Variants in SHROOM3 observed in about 807,000 individuals in gnomAD.
SHROOM3 encodes shroom family member 3.
Under a neutral mutation model 138.6 loss-of-function variants are expected in SHROOM3, and 47 were observed. That is an observed-to-expected ratio of 0.34 (90% CI 0.27 to 0.43). SHROOM3 has a LOEUF of 0.43. Among genes scored for constraint, SHROOM3 ranks in the 20% least tolerant of loss-of-function variants. SHROOM3 has a pLI of 1.00. For synonymous variants in SHROOM3, 1,062 were observed against 1,063.3 expected, an observed-to-expected ratio of 1.00 and a Z score of 0.02; for missense variants, 2,491 against 2,596.5, an observed-to-expected ratio of 0.96 and a Z score of 0.88.
At chr4:76,707,930 C>T (rs906276100) in intron 2 of SHROOM3, among the ~76,000 whole-genome samples, 1 of 152,084 alleles carries the variant, frequency 6.6e-6, no homozygotes, top group African/African-American at 2.4e-5. Context: ...TGTGGTGCAT[C>T]CAGACAGCTC....
chr4:76,631,239 C>T (rs1258572900), intron 2 of SHROOM3, among the ~76,000 whole-genome samples: 1 of 119,222 alleles, frequency 8.4e-6, no homozygotes, highest in African/African-American at 3.3e-5. Flanking sequence ...TGGAGTCTTG[C>T]TCTGTTGCAC....
chr4:76,551,741 G>A (rs749000616), intron 1 of SHROOM3, among the ~76,000 whole-genome samples: 6 of 152,078 alleles, frequency 3.9e-5, no homozygotes, highest in Non-Finnish European at 8.8e-5. Context: ...CTGAAATTCA[G>A]GGTGTGTAAC....
At chr4:76,711,577 C>T (rs1720230021) in intron 3 of SHROOM3, among the ~76,000 whole-genome samples, 1 of 152,082 alleles carries the variant, frequency 6.6e-6, no homozygotes, top group African/African-American at 2.4e-5. Context: ...CCTGTGGTCC[C>T]AAGTACTCTG....
chr4:76,487,235 T>C (rs1208153261), intron 1 of SHROOM3, among the ~76,000 whole-genome samples: 1 of 152,270 alleles, frequency 6.6e-6, no homozygotes, highest in Non-Finnish European at 1.5e-5. Context: ...CGTAGTGTTT[T>C]CAAGGTTTAT....
intron 1 of SHROOM3, among the ~76,000 whole-genome samples, chr4:76,495,500 G>A (rs1731946954): frequency 6.6e-6 from 1 of 152,208 alleles, no homozygotes; most frequent in East Asian, 1.9e-4. Context: ...GACTTCAGCT[G>A]GAACCACATT....
At chr4:76,708,712 A>C (rs1720137829) in intron 2 of SHROOM3, among the ~76,000 whole-genome samples, 1 of 152,198 alleles carries the variant, frequency 6.6e-6, no homozygotes, top group African/African-American at 2.4e-5. Context: ...GAGAAGACAA[A>C]GTCACAGAGC....
At chr4:76,563,802 C>T (rs1211351042) in intron 2 of SHROOM3, among the ~76,000 whole-genome samples, 1 of 152,160 alleles carries the variant, frequency 6.6e-6, no homozygotes, top group East Asian at 1.9e-4. Flanking sequence ...GCTTCCTCTA[C>T]CTCTCCTGGA....
intron 1 of SHROOM3, among the ~76,000 whole-genome samples, chr4:76,472,973 G>A (rs992912966): frequency 1.3e-5 from 2 of 152,196 alleles, no homozygotes; most frequent in Admixed American, 1.3e-4. Flanking sequence ...GATTACAGGT[G>A]TGAGCCACCA....
Position 76,749,983 on chromosome 4 carries a change from T to C in SHROOM3, c.3827+893T>C, listed in dbSNP as rs556757235. ...TTTAAGCCATTTCCTTAATTTTTCT[T>C]ACATTTCATTCAATCATTGTTTCTA... On this transcript the variant is annotated intron_variant, in intron 6 of 10. Coordinates refer to ENST00000296043, the MANE Select transcript of SHROOM3 (RefSeq NM_020859.4). Among the ~76,000 whole-genome samples, 3 of 152,324 alleles carry C rather than the reference T, an allele frequency of 2.0e-5. No homozygotes were observed. The East Asian group carries it at 5.8e-4, about 29-fold the overall frequency.
chr4:76,636,535 A>G (rs1735499498), intron 2 of SHROOM3, among the ~76,000 whole-genome samples: 1 of 152,196 alleles, frequency 6.6e-6, no homozygotes, highest in Non-Finnish European at 1.5e-5. Context: ...CTCAAATAAC[A>G]TTGTTTTGTT....
In SHROOM3 at chr4:76,754,890, T is replaced by G. The variant is rs1721752426; in HGVS notation, c.4407T>G (p.Thr1469=). 1 of 1,614,196 alleles carries G rather than the reference T, an allele frequency of 6.2e-7. No individual in the cohort carries two copies. The highest frequency in any genetic ancestry group is 8.5e-7 in the Non-Finnish European group (1 of 1,180,026). ...AGAGTCTTCCAAGTTTATGCAGCAC[T>G]TCTGACCCAGACACACCTCTTGGGG... ...KQQSLPSLCS[T]SDPDTPLGAP... Residue 1469 remains threonine, a synonymous_variant, in exon 7 of 11, where the codon ACT becomes ACG. Transcript: ENST00000296043.
intron 2 of SHROOM3, among the ~76,000 whole-genome samples, chr4:76,591,021 T>G (rs6532494): frequency 1 from 152,321 of 152,346 alleles, 76,148 homozygotes; most frequent in Middle Eastern, 1. Context: ...CTCAGAAAAA[T>G]AGGTAGGGAA....
At chr4:76,612,946 GA>G (rs1734794760) in intron 2 of SHROOM3, among the ~76,000 whole-genome samples, 1 of 152,046 alleles carries the variant, frequency 6.6e-6, no homozygotes, top group South Asian at 2.1e-4. Flanking sequence ...TGTCTCTAAA[GA>G]AAAAATAAAA....
Position 76,756,405 on chromosome 4 carries a change from T to TCTC in SHROOM3, c.4710-44_4710-43insCTC, listed in dbSNP as rs1553950015. 69,042 of 1,411,196 alleles carry TCTC rather than the reference T, an allele frequency of 0.049. 1,605 individuals are homozygous for TCTC. Among genetic ancestry groups the TCTC allele is most frequent in the African/African-American group, 0.12 (7,835 of 67,144 alleles). 87.4% of individuals were successfully genotyped at this position (1,411,196 alleles called of 1,614,324 possible). A position where few individuals can be genotyped will look rare whatever the true frequency, so the allele number is the denominator to read the frequency against. ...TCACCCTTCTCTTATCACTCTCTCT[T>TCTC]TCTCTCTCTCTCTTTTTTTTTTTTT... On this transcript the variant is annotated intron_variant, in intron 7 of 10. Transcript: ENST00000296043.
At chr4:76,661,434 G>A (rs1173156444) in intron 2 of SHROOM3, among the ~76,000 whole-genome samples, 7 of 152,002 alleles carry the variant, frequency 4.6e-5, no homozygotes, top group Non-Finnish European at 7.4e-5. Context: ...GTTTCACCAC[G>A]TTAGCCAGGA....
intron 1 of SHROOM3, among the ~76,000 whole-genome samples, chr4:76,470,305 G>C (rs989556187): frequency 6.6e-6 from 1 of 152,144 alleles, no homozygotes; most frequent in Non-Finnish European, 1.5e-5. Flanking sequence ...TTTGATACTT[G>C]AAAACCAGTT....
chr4:76,552,084 A>C (rs773741628), intron 1 of SHROOM3, among the ~76,000 whole-genome samples: 5 of 149,904 alleles, frequency 3.3e-5, no homozygotes, highest in South Asian at 2.1e-4. Flanking sequence ...GATGGACTCG[A>C]TCTCCTGACC....
intron 2 of SHROOM3, among the ~76,000 whole-genome samples, chr4:76,693,963 T>C (rs10031262): frequency 0.018 from 1,774 of 97,984 alleles, 19 homozygotes; most frequent in Non-Finnish European, 0.025. Context: ...TTCCCAAAGA[T>C]GTAGGTAGAA....
At chr4:76,468,172 C>G (rs1186204089) in intron 1 of SHROOM3, among the ~76,000 whole-genome samples, 1 of 152,186 alleles carries the variant, frequency 6.6e-6, no homozygotes, top group Non-Finnish European at 1.5e-5. Flanking sequence ...ATCCTCTTGA[C>G]CAAGATTTGA....
Sources: allele counts gnomAD v4.1 joint callset (sites outside exome capture counted in the v4.1 genomes callset), GRCh38; gene constraint gnomAD v4.1.1; transcripts MANE v1.5; gene names NCBI Gene and HGNC (gene_info 2026-07-23, HGNC 2026-07-21).